The following LRP1B variants were observed in gnomAD, a reference collection of about 807,000 sequenced individuals.
LRP1B encodes LDL receptor related protein 1B, also known as low-density lipoprotein receptor-related protein 1B.
LRP1B carries 217 observed loss-of-function variants against 556.6 expected under a neutral mutation model. The observed-to-expected ratio is 0.39, with a 90% CI of 0.35 to 0.44. The LOEUF is 0.44. Ranked by LOEUF, LRP1B falls within the 20% of genes least tolerant of loss-of-function variation. LRP1B has a pLI of 1.00. For missense variants in LRP1B, 5,053 were observed against 5,620.8 expected (o/e 0.90, Z 3.23); for synonymous variants, 2,047 against 1,865.8 (o/e 1.10, Z -2.50).
At chr2:141,909,314 G>T (rs1699840835) in intron 1 of LRP1B, among the ~76,000 whole-genome samples, 1 of 151,872 alleles carries the variant, frequency 6.6e-6, no homozygotes, top group African/African-American at 2.4e-5. Context: ...ATCAATTATG[G>T]GAAACAAAGT....
intron 84 of LRP1B, among the ~76,000 whole-genome samples, chr2:140,278,827 A>G (rs13431611): frequency 0.022 from 3,295 of 151,986 alleles, 118 homozygotes; most frequent in African/African-American, 0.074. Flanking sequence ...CCCAGTTCTC[A>G]TTCTTAACAC....
At chr2:141,299,007 A>G (rs1367381067) in intron 3 of LRP1B, among the ~76,000 whole-genome samples, 1 of 151,658 alleles carries the variant, frequency 6.6e-6, no homozygotes, top group African/African-American at 2.4e-5. Flanking sequence ...AACCATGAGT[A>G]TAATACCTTG....
intron 2 of LRP1B, among the ~76,000 whole-genome samples, chr2:141,569,443 A>G (rs1686452151): frequency 6.6e-6 from 1 of 151,198 alleles, no homozygotes; most frequent in Non-Finnish European, 1.5e-5. Context: ...TGAAAACTCA[A>G]AACATCTCTG....
chr2:141,353,970 T>C (rs1688533628), intron 3 of LRP1B, among the ~76,000 whole-genome samples: 1 of 151,940 alleles, frequency 6.6e-6, no homozygotes. Flanking sequence ...GAAGACAGTA[T>C]AATTTAAAAG....
intron 3 of LRP1B, among the ~76,000 whole-genome samples, chr2:141,383,606 AAAGTCAAAGAACTGT>A (rs1397147888): frequency 6.6e-6 from 1 of 152,208 alleles, no homozygotes; most frequent in Admixed American, 6.5e-5. Flanking sequence ...TACCCAAAAC[AAAGTCAAAGAACTGT>A]AAGTCAAAAG....
chr2:140,329,972 G>T (rs1160660273), intron 79 of LRP1B, among the ~76,000 whole-genome samples: 1 of 151,858 alleles, frequency 6.6e-6, no homozygotes, highest in Admixed American at 6.6e-5. Flanking sequence ...GGCTGAGGCG[G>T]GTTGATCGCT....
At chr2:141,212,657 G>T (rs1435213346) in intron 6 of LRP1B, among the ~76,000 whole-genome samples, 1 of 151,956 alleles carries the variant, frequency 6.6e-6, no homozygotes, top group African/African-American at 2.4e-5. Context: ...GAAAGATGTA[G>T]GTGATGTAGA....
intron 1 of LRP1B, among the ~76,000 whole-genome samples, chr2:142,047,672 T>A (rs1326911362): frequency 1.3e-5 from 2 of 151,948 alleles, no homozygotes; most frequent in Non-Finnish European, 2.9e-5. Flanking sequence ...TTGGTAGGTG[T>A]GGCCATGTGA....
At chr2:140,856,153 G>A (rs1692611412) in intron 27 of LRP1B, among the ~76,000 whole-genome samples, 1 of 152,036 alleles carries the variant, frequency 6.6e-6, no homozygotes, top group African/African-American at 2.4e-5. Flanking sequence ...CATACACATT[G>A]TGTACACACT....
At chr2:140,884,127 G>T in intron 24 of LRP1B, 106 bp from the exon 25 acceptor site, 3 of 1,038,906 alleles carry the variant, frequency 2.9e-6, no homozygotes, top group Non-Finnish European at 2.8e-6. Flanking sequence ...ATTTCAATGT[G>T]ATTTCAACTT....
intron 37 of LRP1B, among the ~76,000 whole-genome samples, chr2:140,712,211 T>C (rs1356353747): frequency 6.6e-6 from 1 of 152,208 alleles, no homozygotes; most frequent in South Asian, 2.1e-4. Context: ...GGCTGACTAC[T>C]TGGGAATCTG....
intron 6 of LRP1B, among the ~76,000 whole-genome samples, chr2:141,228,582 A>AGTGTGT (rs3063860): frequency 0.029 from 4,228 of 146,348 alleles, 143 homozygotes; most frequent in African/African-American, 0.083. Flanking sequence ...TGTGTGTATG[A>AGTGTGT]GTGTGTGTGT....
intron 2 of LRP1B, among the ~76,000 whole-genome samples, chr2:141,734,546 A>C (rs1268371805): frequency 6.6e-6 from 1 of 152,178 alleles, no homozygotes. Context: ...TTCTTTTGTC[A>C]ATATGCTCTA....
chr2:141,956,241 TTA>T (rs1701248608), intron 1 of LRP1B, among the ~76,000 whole-genome samples: 1 of 152,110 alleles, frequency 6.6e-6, no homozygotes, highest in African/African-American at 2.4e-5. Context: ...TCCGACAGCT[TTA>T]TATTCTCTCT....
intron 3 of LRP1B, among the ~76,000 whole-genome samples, chr2:141,290,818 G>A (rs1685914325): frequency 6.6e-6 from 1 of 152,052 alleles, no homozygotes; most frequent in South Asian, 2.1e-4. Flanking sequence ...TATGTAGCTG[G>A]TGATTAATTT....
At chr2:141,171,737 GC>G (rs1680507024) in intron 7 of LRP1B, among the ~76,000 whole-genome samples, 1 of 152,000 alleles carries the variant, frequency 6.6e-6, no homozygotes, top group Non-Finnish European at 1.5e-5. Context: ...ACATTTACTA[GC>G]TTTTTTACCA....
At chr2:141,565,877 T>C (rs982761732) in intron 2 of LRP1B, among the ~76,000 whole-genome samples, 10 of 152,156 alleles carry the variant, frequency 6.6e-5, no homozygotes, top group African/African-American at 1.7e-4. Context: ...TCAATCATAA[T>C]TGAAAATATA....
intron 35 of LRP1B, among the ~76,000 whole-genome samples, chr2:140,726,746 T>C (rs995336008): frequency 2.0e-5 from 3 of 152,186 alleles, no homozygotes; most frequent in Admixed American, 2.0e-4. Context: ...ATAAAAATAA[T>C]ACATTTACTT....
At chr2:141,149,359 T>C (rs1701864645) in intron 7 of LRP1B, among the ~76,000 whole-genome samples, 1 of 152,290 alleles carries the variant, frequency 6.6e-6, no homozygotes, top group South Asian at 2.1e-4. Flanking sequence ...CCAGTTGACA[T>C]TAAGAATATT....
Sources: allele counts gnomAD v4.1 joint callset (sites outside exome capture counted in the v4.1 genomes callset), GRCh38; gene constraint gnomAD v4.1.1; transcripts MANE v1.5; gene names NCBI Gene and HGNC (gene_info 2026-07-23, HGNC 2026-07-21).